TNK1: variants seen among roughly 807,000 people sequenced by gnomAD.
TNK1 encodes the protein tyrosine kinase non receptor 1.
TNK1 carries 53 observed loss-of-function variants against 65.2 expected under a neutral mutation model. That is an observed-to-expected ratio of 0.81 (90% confidence interval 0.65 to 1.02). TNK1 has a LOEUF of 1.02. Ranked by LOEUF, TNK1 falls within the 50% of genes least tolerant of loss-of-function variation. The pLI is 0.00. For synonymous variants in TNK1, 353 were observed against 364.6 expected (o/e 0.97, Z 0.36); for missense variants, 837 against 878.4 (o/e 0.95, Z 0.60).
Position 7,387,017 on chromosome 17 carries a change from G to C in TNK1, c.1260G>C (p.Gln420His), listed in dbSNP as rs371671184. The C allele has an allele frequency of 6.3e-7, 1 of 1,590,928 alleles. No individual in the cohort carries two copies. The highest frequency in any genetic ancestry group is 8.6e-7 in the Non-Finnish European group (1 of 1,169,108). The change falls in exon 9 of 13, where the codon CAG (glutamine) becomes CAC (histidine). Residue 420 changes from glutamine to histidine, a missense_variant. Physicochemically the swap from Gln to His is conservative, Grantham distance 24. Coordinates refer to ENST00000688331, the MANE Select transcript of TNK1 (RefSeq NM_003985.6). ...CCGACTCCACAATCTGGAAGGGCCA[G>C]AATGGTCGCACCTTCAAAGTGGGCA... Reference protein sequence around the residue: ...GSPDSTIWKGQNGRTFKVGSF... With the variant: ...GSPDSTIWKGHNGRTFKVGSF...
At chr17:7,381,968 G>A (rs796946632) in intron 1 of TNK1, among the ~76,000 whole-genome samples, 2 of 152,350 alleles carry the variant, frequency 1.3e-5, no homozygotes, top group African/African-American at 4.8e-5. Flanking sequence ...ATGTCTCAGC[G>A]TTAAGACGAC....
chr17:7,383,099 C>A lies in TNK1; in HGVS notation c.163+10C>A. Reference sequence around the variant, plus strand: ...GGCATGGGCCGGCCTGGTGAGGGACCCCTGCCCCGAGGCCCTGGTCTCTCT... The same window carrying A: ...GGCATGGGCCGGCCTGGTGAGGGACACCTGCCCCGAGGCCCTGGTCTCTCT... On this transcript the variant is annotated intron_variant, in intron 2 of 12. Transcript: ENST00000688331. 1 of 1,613,816 alleles carries A rather than the reference C, an allele frequency of 6.2e-7. No individual in the cohort carries two copies. The highest frequency in any genetic ancestry group is 1.1e-5 in the South Asian group (1 of 91,072).
intron 8 of TNK1, 79 bp downstream of exon 8, chr17:7,386,734 T>C (rs1597683263): frequency 7.8e-7 from 1 of 1,290,316 alleles, no homozygotes; most frequent in East Asian, 2.6e-5. Context: ...TCTCTGCTTC[T>C]CTCCAGCTCC....
At chr17:7,383,675 C>T (rs752560899) in intron 4 of TNK1, 34 bp from the exon 5 acceptor site, 10 of 1,603,864 alleles carry the variant, frequency 6.2e-6, no homozygotes, top group East Asian at 4.5e-5. Context: ...TCTTCATGCC[C>T]GCAATGCCTA....
intron 1 of TNK1, among the ~76,000 whole-genome samples, chr17:7,381,750 C>T (rs1447302715): frequency 6.6e-6 from 1 of 152,220 alleles, no homozygotes; most frequent in Non-Finnish European, 1.5e-5. Context: ...CCTATGCCCC[C>T]ATAGCTCAGG....
chr17:7,382,372 C>T lies in TNK1; in HGVS notation c.-91-464C>T, dbSNP rs2143086629. On this transcript the variant is annotated intron_variant, in intron 1 of 12. Coordinates refer to ENST00000688331, the MANE Select transcript of TNK1 (RefSeq NM_003985.6). The surrounding 1 kb of genome is among the most constrained non-coding windows in gnomAD (Gnocchi z 4.1). ...TGGCAGCATGTGGGAGGCAGTGTAC[C>T]TTCGTGTGTGTGCGTGCTCTACCTA... 6.6e-6 allele frequency among the ~76,000 whole-genome samples: 1 copy of T among 152,070 alleles called. No homozygotes were observed. Among genetic ancestry groups the T allele is most frequent in the South Asian group, 2.1e-4 (1 of 4,810 alleles).
At position 7,384,131 on chromosome 17, in the gene TNK1, G is replaced by C. The variant is rs759626111; in HGVS notation, c.744G>C (p.Thr248=). The C allele has an allele frequency of 1.3e-5, 20 of 1,547,924 alleles. No homozygotes were observed. In the South Asian group the frequency reaches 2.2e-4, roughly 17 times the overall value. Residue 248 remains threonine, a synonymous_variant, in exon 6 of 13, where the codon ACG becomes ACC. Coordinates refer to ENST00000688331, the MANE Select transcript of TNK1 (RefSeq NM_003985.6). The part of the protein sequence containing the change: ...ARGLVHRDLA[T]RNLLLASPRT... Reference sequence around the variant, plus strand: ...GGCTGGTGCACCGAGACCTCGCTACGCGCAACCTACTGCTGGCGTCGCCGC... The same window carrying C: ...GGCTGGTGCACCGAGACCTCGCTACCCGCAACCTACTGCTGGCGTCGCCGC...
intron 8 of TNK1, 149 bp from the exon 9 acceptor site, chr17:7,386,841 A>G (rs1905205468): frequency 8.2e-7 from 1 of 1,212,788 alleles, no homozygotes; most frequent in Admixed American, 2.6e-5. Context: ...GCTGGCCCAT[A>G]GAGCCTTATT....
At position 7,386,563 on chromosome 17, in the gene TNK1, CG is replaced by C; in HGVS notation, c.1143del (p.Pro382LeufsTer7). On this transcript the variant is annotated frameshift_variant, in exon 8 of 13. Coordinates refer to ENST00000688331, the MANE Select transcript of TNK1 (RefSeq NM_003985.6). LOFTEE classifies it high-confidence loss of function. Reference sequence around the variant, plus strand: ...ACCCTTTCCTCTTGTCTCCACAGGCCGGGCCTTCGGAAGCATGTTGTGTGAG... The same window carrying C: ...ACCCTTTCCTCTTGTCTCCACAGGCCGGCCTTCGGAAGCATGTTGTGTGAG... ...SHLEGLLQEA[G>X]PSEACCVRDV... 1 of 1,599,308 alleles carries C rather than the reference CG, an allele frequency of 6.3e-7. No individual in the cohort carries two copies. The highest frequency in any genetic ancestry group is 8.5e-7 in the Non-Finnish European group (1 of 1,172,944).
At chr17:7,383,219 C>A in intron 2 of TNK1, 31 bp from the exon 3 acceptor site, 1 of 1,613,920 alleles carries the variant, frequency 6.2e-7, no homozygotes. Context: ...ACACCCACCT[C>A]CACTCCAGCC....
Position 7,384,166 on chromosome 17 carries a change from A to G in TNK1, c.779A>G (p.Lys260Arg), listed in dbSNP as rs931808866. ...NLLLASPRTI[K>R]VADFGLVRPL... ...CTGCTGGCGTCGCCGCGCACCATCA[A>G]GGTGGCTGACTTCGGGCTGGTGCGG... The change falls in exon 6 of 13, where the codon AAG becomes AGG. Residue 260 changes from lysine (K) to arginine (R), a missense_variant. Physicochemically the swap from Lys to Arg is conservative, Grantham distance 26. Coordinates refer to ENST00000688331, the MANE Select transcript of TNK1 (RefSeq NM_003985.6). The G allele has an allele frequency of 2.2e-5, 34 of 1,538,138 alleles. No homozygotes were observed. The highest frequency in any genetic ancestry group is 2.0e-4 in the Middle Eastern group (1 of 4,904).
rs2074587056 is a variant in TNK1, at chr17:7,389,180, CA to C, written c.*97del. 1 of 988,584 alleles carries C rather than the reference CA, an allele frequency of 1.0e-6. No homozygotes were observed. Among genetic ancestry groups the C allele is most frequent in the African/African-American group, 1.6e-5 (1 of 61,648 alleles). 61.2% of individuals were successfully genotyped at this position (988,584 alleles called of 1,614,324 possible). A position where few individuals can be genotyped will look rare whatever the true frequency, so the allele number is the denominator to read the frequency against. On this transcript the variant is annotated 3_prime_UTR_variant, in exon 13 of 13. Transcript: ENST00000688331. Reference sequence around the variant, plus strand: ...AAGCGGAACCAGAACAAGGTCCCGACAGGGGTAGACGTTCCACCTGGGGAGA... The same window carrying C: ...AAGCGGAACCAGAACAAGGTCCCGACGGGGTAGACGTTCCACCTGGGGAGA...
At chr17:7,386,788 C>T in intron 8 of TNK1, 133 bp downstream of exon 8, 1 of 1,092,944 alleles carries the variant, frequency 9.1e-7, no homozygotes, top group African/African-American at 1.6e-5. Context: ...CCACTGGGTC[C>T]TGAAAGCTCC....
chr17:7,386,431 G>T, intron 7 of TNK1, 130 bp from the exon 8 acceptor site: 2 of 667,818 alleles, frequency 3.0e-6, no homozygotes, highest in South Asian at 1.8e-5. Flanking sequence ...ACAATGGGGG[G>T]ACAGGGAGAG....
intron 1 of TNK1, among the ~76,000 whole-genome samples, chr17:7,381,766 T>C (rs959378771): frequency 6.6e-6 from 1 of 152,222 alleles, no homozygotes; most frequent in Non-Finnish European, 1.5e-5. Flanking sequence ...TCAGGTATGC[T>C]GTGTGCACAC....
intron 7 of TNK1, among the ~76,000 whole-genome samples, chr17:7,385,712 CT>C (rs1386902941): frequency 1.3e-5 from 2 of 151,802 alleles, no homozygotes; most frequent in East Asian, 3.9e-4. Flanking sequence ...TTACAGGCGC[CT>C]GCCACCACGC....
rs1567647814 is a variant in TNK1, at chr17:7,387,096, CGTCCAGTCCACA to C, written c.1341_1352del (p.Pro448_Arg451del). 1.9e-6 allele frequency: 3 copies of C among 1,612,490 alleles called. No homozygotes were observed. The highest frequency in any genetic ancestry group is 1.3e-5 in the African/African-American group (1 of 75,024). On this transcript the variant is annotated inframe_deletion, in exon 9 of 13. Transcript: ENST00000688331. Reference sequence around the variant, plus strand: ...AGATGCGGGGGGCTTGCCAGCCACCCGTCCAGTCCACAGAGGCACCCCTGCCCGGGGAGATCA... The same window carrying C: ...AGATGCGGGGGGCTTGCCAGCCACCCGAGGCACCCCTGCCCGGGGAGATCA...
intron 8 of TNK1, 47 bp from the exon 9 acceptor site, chr17:7,386,943 A>T: frequency 1.3e-6 from 2 of 1,498,794 alleles, no homozygotes; most frequent in Non-Finnish European, 1.8e-6. Context: ...CCCAGCCCTA[A>T]CTCTTGCCCT....
Position 7,387,402 on chromosome 17 carries a change from G to T in TNK1, c.1422G>T (p.Trp474Cys), listed in dbSNP as rs770550848. Residue 474 changes from tryptophan (W) to cysteine (C), a missense_variant, in exon 10 of 13, where the codon TGG (tryptophan) becomes TGT (cysteine). Trp to Cys is a radical substitution (Grantham distance 215). Transcript: ENST00000688331. ...IDGDRKKANLWDAPPARGQRR... is the reference protein window; with the variant it reads ...IDGDRKKANLCDAPPARGQRR... ...GAGACAGAAAGAAGGCAAATCTTTGGGATGCGCCCCCAGCACGGGGCCAGA... is the reference window on the plus strand; with the variant it reads ...GAGACAGAAAGAAGGCAAATCTTTGTGATGCGCCCCCAGCACGGGGCCAGA... The T allele has an allele frequency of 1.5e-5, 24 of 1,606,122 alleles. No individual in the cohort carries two copies. Among genetic ancestry groups the T allele is most frequent in the Non-Finnish European group, 2.0e-5 (24 of 1,176,660 alleles).
Sources: allele counts gnomAD v4.1 joint callset (sites outside exome capture counted in the v4.1 genomes callset), GRCh38; gene constraint gnomAD v4.1.1; non-coding constraint Gnocchi (gnomAD v3.1); transcripts MANE v1.5; gene names NCBI Gene and HGNC (gene_info 2026-07-23, HGNC 2026-07-21).